COL23A1: variants seen among roughly 807,000 people sequenced by gnomAD.
The protein encoded by COL23A1 is collagen type XXIII alpha 1 chain.
Under a neutral mutation model 99.3 loss-of-function variants are expected in COL23A1, and 97 were observed. The ratio of observed to expected loss-of-function variants is 0.98; its 90% CI spans 0.83 to 1.16. COL23A1 has a LOEUF of 1.16. Ranked by LOEUF, COL23A1 falls within the 50% of genes most tolerant of loss-of-function variation. The pLI is 0.00. For synonymous variants in COL23A1, 320 were observed against 308.2 expected (o/e 1.04, Z -0.40); for missense variants, 762 against 757.4 (o/e 1.01, Z -0.07).
intron 2 of COL23A1, among the ~76,000 whole-genome samples, chr5:178,374,427 A>G (rs1762961163): frequency 6.6e-6 from 1 of 152,210 alleles, no homozygotes; most frequent in Non-Finnish European, 1.5e-5. Context: ...CACCGTGGAC[A>G]GCAGCTCGTG....
intron 2 of COL23A1, among the ~76,000 whole-genome samples, chr5:178,332,700 C>T (rs186728083): frequency 1.1e-4 from 16 of 152,094 alleles, no homozygotes; most frequent in Non-Finnish European, 2.4e-4. Context: ...AGATGTGGTT[C>T]CAAGTCACCT....
intron 3 of COL23A1, among the ~76,000 whole-genome samples, chr5:178,296,285 G>A (rs1372762429): frequency 1.3e-5 from 2 of 152,162 alleles, no homozygotes; most frequent in Non-Finnish European, 2.9e-5. Flanking sequence ...AGTCAACATC[G>A]CTCCCTCACT....
At chr5:178,331,867 C>T (rs1489144044) in intron 2 of COL23A1, among the ~76,000 whole-genome samples, 1 of 152,224 alleles carries the variant, frequency 6.6e-6, no homozygotes, top group Non-Finnish European at 1.5e-5. Flanking sequence ...GGGCAGTCAG[C>T]CGGCAGGGCC....
chr5:178,278,904 A>G (rs1219773224), intron 5 of COL23A1, among the ~76,000 whole-genome samples: 1 of 152,188 alleles, frequency 6.6e-6, no homozygotes, highest in African/African-American at 2.4e-5. Context: ...GCGCTGGGCC[A>G]GCCCTGGGGT....
chr5:178,560,943 A>G (rs1193654658), intron 1 of COL23A1, among the ~76,000 whole-genome samples, 195 bp from the exon 2 acceptor site: 1 of 152,208 alleles, frequency 6.6e-6, no homozygotes, highest in East Asian at 1.9e-4. Flanking sequence ...AAACACAAAC[A>G]CTAAACAGTT....
intron 2 of COL23A1, among the ~76,000 whole-genome samples, chr5:178,317,164 C>T (rs752345961): frequency 2.0e-4 from 31 of 152,324 alleles, no homozygotes; most frequent in East Asian, 3.9e-4. Flanking sequence ...GTGATATTCT[C>T]TCTGCCTGCT....
chr5:178,590,365 T>C lies in COL23A1; in HGVS notation c.-168A>G, dbSNP rs1764208996. 4.0e-6 allele frequency: 2 copies of C among 499,466 alleles called. No homozygotes were observed. Among genetic ancestry groups the C allele is most frequent in the Non-Finnish European group, 2.9e-6 (1 of 341,564 alleles). 30.9% of individuals were successfully genotyped at this position (499,466 alleles called of 1,614,324 possible). ...GCACGCCCCCTTCGCCGCAGCCAGC[T>C]CCTCCACAGCGGCCACTTTGGGCAG... On this transcript the variant is annotated 5_prime_UTR_variant, in exon 1 of 29. Transcript: ENST00000390654. This position sits in a 1 kb window ranked among gnomAD's most constrained non-coding sequence, Gnocchi z 5.7.
In COL23A1 at chr5:178,247,898, C is replaced by T; in HGVS notation, c.1213-67G>A. On this transcript the variant is annotated intron_variant, in intron 20 of 28. Coordinates refer to ENST00000390654, the MANE Select transcript of COL23A1 (RefSeq NM_173465.4). ...ACCCTCACCTACCCGCACCCGAGCT[C>T]ATCGCACACTGCTGGATCGAGAGTC... 5 of 1,364,502 alleles carry T rather than the reference C, an allele frequency of 3.7e-6. No homozygotes were observed. The South Asian group carries it at 6.2e-5, about 17-fold the overall frequency. 84.5% of individuals were successfully genotyped at this position (1,364,502 alleles called of 1,614,324 possible).
chr5:178,513,210 G>A (rs906910608), intron 2 of COL23A1, among the ~76,000 whole-genome samples: 2 of 152,206 alleles, frequency 1.3e-5, no homozygotes, highest in Non-Finnish European at 1.5e-5. Flanking sequence ...AGGTGGTGGC[G>A]ATAATAGCTA....
At chr5:178,445,819 A>G (rs189064457) in intron 2 of COL23A1, among the ~76,000 whole-genome samples, 6 of 151,594 alleles carry the variant, frequency 4.0e-5, no homozygotes, top group Non-Finnish European at 5.9e-5. Context: ...ATCAAAAAAT[A>G]AAAAAAAAGA....
intron 1 of COL23A1, among the ~76,000 whole-genome samples, chr5:178,567,076 A>T (rs1762875250): frequency 6.6e-6 from 1 of 152,246 alleles, no homozygotes; most frequent in South Asian, 2.1e-4. Context: ...TGTGGTGCTG[A>T]ATCAGTATCG....
At chr5:178,448,649 T>A (rs1767305873) in intron 2 of COL23A1, among the ~76,000 whole-genome samples, 1 of 152,196 alleles carries the variant, frequency 6.6e-6, no homozygotes. Context: ...ATCCTTTTAT[T>A]ATGAACCCAC....
intron 1 of COL23A1, among the ~76,000 whole-genome samples, chr5:178,573,825 C>T (rs1445287991): frequency 1.3e-5 from 2 of 151,534 alleles, no homozygotes; most frequent in South Asian, 2.1e-4. Context: ...AAAGGAACCA[C>T]ACATAAAAGA....
chr5:178,402,014 T>C (rs1253120294), intron 2 of COL23A1, among the ~76,000 whole-genome samples: 1 of 152,068 alleles, frequency 6.6e-6, no homozygotes, highest in African/African-American at 2.4e-5. Context: ...TGGGGTTTCA[T>C]GATGTTGGCC....
At chr5:178,344,858 G>C (rs760660276) in intron 2 of COL23A1, 10 of 750,808 alleles carry the variant, frequency 1.3e-5, no homozygotes, top group Non-Finnish European at 1.4e-5. Flanking sequence ...GGGGCGATCT[G>C]TGTCTGGCAT....
At chr5:178,513,947 A>G (rs768278057) in intron 2 of COL23A1, among the ~76,000 whole-genome samples, 1 of 152,182 alleles carries the variant, frequency 6.6e-6, no homozygotes, top group Admixed American at 6.5e-5. Flanking sequence ...GTCCGGGTCA[A>G]TGGCATTAAG....
At chr5:178,347,237 C>T (rs1246815405) in intron 2 of COL23A1, among the ~76,000 whole-genome samples, 7 of 152,174 alleles carry the variant, frequency 4.6e-5, no homozygotes, top group Admixed American at 1.3e-4. Flanking sequence ...CCAGTGTGAC[C>T]GAAGGACTGG....
intron 2 of COL23A1, among the ~76,000 whole-genome samples, chr5:178,437,012 G>A (rs1766599346): frequency 6.6e-6 from 1 of 152,206 alleles, no homozygotes; most frequent in Non-Finnish European, 1.5e-5. Context: ...TCACAAGGCT[G>A]TGTAGAACAG....
At chr5:178,549,827 CAAAAACA>C (rs1562080414) in intron 2 of COL23A1, among the ~76,000 whole-genome samples, 3 of 151,874 alleles carry the variant, frequency 2.0e-5, no homozygotes, top group African/African-American at 7.3e-5. Flanking sequence ...AAAAACAAAA[CAAAAACA>C]AAAACAAAAA....
Sources: allele counts gnomAD v4.1 joint callset (sites outside exome capture counted in the v4.1 genomes callset), GRCh38; gene constraint gnomAD v4.1.1; non-coding constraint Gnocchi (gnomAD v3.1); transcripts MANE v1.5; gene names NCBI Gene and HGNC (gene_info 2026-07-23, HGNC 2026-07-21).